Variants in ADAMTSL3 observed in about 807,000 individuals in gnomAD.
The protein encoded by ADAMTSL3 is ADAMTS-like protein 3.
Under a neutral mutation model 201.7 loss-of-function variants are expected in ADAMTSL3, and 128 were observed. The observed-to-expected ratio is 0.63, with a 90% CI of 0.55 to 0.73. The LOEUF (loss-of-function observed/expected upper bound fraction) is 0.73. Ranked by LOEUF, ADAMTSL3 falls within the 30% of genes least tolerant of loss-of-function variation. The probability of loss-of-function intolerance (pLI) is 0.00; values close to 1 mark genes in which losing one functional copy is unlikely to be tolerated. For synonymous variants in ADAMTSL3, 738 were observed against 748.4 expected, an observed-to-expected ratio of 0.99 and a Z score of 0.23; for missense variants, 1,990 against 2,119.6, an observed-to-expected ratio of 0.94 and a Z score of 1.20.
At chr15:83,930,241 G>A (rs2066332364) in intron 17 of ADAMTSL3, among the ~76,000 whole-genome samples, 1 of 152,128 alleles carries the variant, frequency 6.6e-6, no homozygotes, top group Non-Finnish European at 1.5e-5. Flanking sequence ...TCATTTTTGA[G>A]TAGTGCTTTC....
intron 4 of ADAMTSL3, among the ~76,000 whole-genome samples, chr15:83,789,774 T>A (rs2063317030): frequency 6.6e-6 from 1 of 152,176 alleles, no homozygotes; most frequent in Non-Finnish European, 1.5e-5. Context: ...AAAATTACTG[T>A]TTTACCCTCT....
At chr15:83,812,120 A>G (rs1279236802) in intron 5 of ADAMTSL3, among the ~76,000 whole-genome samples, 2 of 152,202 alleles carry the variant, frequency 1.3e-5, no homozygotes, top group African/African-American at 4.8e-5. Context: ...GAGTATGAAT[A>G]TGGTTGTATC....
chr15:83,917,902 G>A (rs1347950783), intron 16 of ADAMTSL3, among the ~76,000 whole-genome samples: 3 of 152,106 alleles, frequency 2.0e-5, no homozygotes, highest in Non-Finnish European at 4.4e-5. Context: ...TAATCACAGT[G>A]TGTGGTACAC....
At chr15:83,659,682 G>T (rs2061137253) in intron 2 of ADAMTSL3, among the ~76,000 whole-genome samples, 1 of 152,146 alleles carries the variant, frequency 6.6e-6, no homozygotes, top group Non-Finnish European at 1.5e-5. Context: ...ATGGCAAAAA[G>T]GACTTGGCAG....
intron 7 of ADAMTSL3, among the ~76,000 whole-genome samples, chr15:83,839,442 T>C (rs1459283572): frequency 6.6e-6 from 1 of 152,170 alleles, no homozygotes; most frequent in Non-Finnish European, 1.5e-5. Context: ...GCCTTCGTTA[T>C]TGTGTTTTAT....
chr15:84,036,423 A>G (rs2068506890), intron 28 of ADAMTSL3, among the ~76,000 whole-genome samples: 1 of 152,210 alleles, frequency 6.6e-6, no homozygotes, highest in South Asian at 2.1e-4. Flanking sequence ...ATTGTAGATC[A>G]TTATAGTAAA....
At chr15:83,742,207 T>C (rs1307486242) in intron 3 of ADAMTSL3, among the ~76,000 whole-genome samples, 1 of 152,042 alleles carries the variant, frequency 6.6e-6, no homozygotes, top group Non-Finnish European at 1.5e-5. Flanking sequence ...ACTTGTAAAT[T>C]GAAATAAACC....
At chr15:83,939,575 C>T (rs1035620506) in intron 17 of ADAMTSL3, among the ~76,000 whole-genome samples, 1 of 151,558 alleles carries the variant, frequency 6.6e-6, no homozygotes, top group East Asian at 1.9e-4. Flanking sequence ...TCTTTTTTCT[C>T]CATATTTTAT....
At chr15:83,670,114 C>G (rs79876140) in intron 2 of ADAMTSL3, among the ~76,000 whole-genome samples, 12,577 of 151,472 alleles carry the variant, frequency 0.083, 643 homozygotes, top group East Asian at 0.18. Flanking sequence ...AAAAATTAGC[C>G]AAGCTTGGTG....
chr15:83,917,478 C>T (rs1390522860), intron 16 of ADAMTSL3, among the ~76,000 whole-genome samples: 3 of 151,136 alleles, frequency 2.0e-5, no homozygotes, highest in Non-Finnish European at 4.4e-5. Context: ...TGCATGTACT[C>T]ATGCAGCAGT....
chr15:83,815,946 T>C (rs1032227158), intron 5 of ADAMTSL3, among the ~76,000 whole-genome samples: 2 of 152,170 alleles, frequency 1.3e-5, no homozygotes, highest in Non-Finnish European at 2.9e-5. Context: ...GATCCGGATA[T>C]CAGGCTGCCT....
intron 20 of ADAMTSL3, among the ~76,000 whole-genome samples, chr15:83,979,048 G>T (rs1163553472): frequency 1.3e-5 from 2 of 152,240 alleles, no homozygotes; most frequent in African/African-American, 4.8e-5. Flanking sequence ...CCACTTTCCT[G>T]CTGGTCCCAG....
chr15:84,012,575 T>G (rs966787112), intron 23 of ADAMTSL3, among the ~76,000 whole-genome samples: 12 of 152,210 alleles, frequency 7.9e-5, no homozygotes, highest in African/African-American at 2.9e-4. Context: ...GTCCTTCTCT[T>G]CTGATTTTAG....
chr15:83,801,653 T>TATAA (rs1306061999), intron 4 of ADAMTSL3, among the ~76,000 whole-genome samples: 589 of 33,838 alleles, frequency 0.017, 3 homozygotes, highest in East Asian at 0.023. Context: ...TAAATATAAA[T>TATAA]ATATATATAT....
intron 4 of ADAMTSL3, among the ~76,000 whole-genome samples, chr15:83,801,658 ATATATAT>A (rs1567154038): frequency 0.037 from 2,552 of 68,816 alleles, 333 homozygotes; most frequent in African/African-American, 0.11. Context: ...ATAAATATAT[ATATATAT>A]ATATATATAT....
chr15:83,709,622 C>T (rs2061905810), intron 3 of ADAMTSL3, among the ~76,000 whole-genome samples: 1 of 152,142 alleles, frequency 6.6e-6, no homozygotes, highest in African/African-American at 2.4e-5. Context: ...GTTTTCCATC[C>T]TTACCTTGCT....
At chr15:83,821,814 G>C (rs1177450503) in intron 6 of ADAMTSL3, among the ~76,000 whole-genome samples, 8 of 151,684 alleles carry the variant, frequency 5.3e-5, no homozygotes, top group African/African-American at 1.9e-4. Context: ...TCCCAGTAGG[G>C]GCGGCCGGGC....
intron 4 of ADAMTSL3, among the ~76,000 whole-genome samples, chr15:83,789,116 C>CGAACA (rs1398032031): frequency 6.6e-6 from 1 of 152,044 alleles, no homozygotes; most frequent in Non-Finnish European, 1.5e-5. Flanking sequence ...CAGCCGTGTT[C>CGAACA]CTCTGTTTTC....
intron 19 of ADAMTSL3, among the ~76,000 whole-genome samples, chr15:83,951,715 G>A (rs1236802119): frequency 1.3e-5 from 2 of 151,998 alleles, no homozygotes; most frequent in Non-Finnish European, 2.9e-5. Flanking sequence ...TTCAGGTTTT[G>A]GATTTTTTCA....
Sources: gnomAD v4.1 joint callset for allele counts (sites outside exome capture counted in the v4.1 genomes callset) on GRCh38, gnomAD v4.1.1 for gene constraint, MANE v1.5 for transcripts, NCBI Gene and HGNC (gene_info 2026-07-23, HGNC 2026-07-21) for gene names.